PTGIS: variants seen among roughly 807,000 people sequenced by gnomAD.
PTGIS encodes prostaglandin I2 synthase, also known as prostacyclin synthase.
In PTGIS, 45 loss-of-function variants were observed where a neutral mutation model predicts 50.3. The observed-to-expected ratio is 0.90, with a 90% CI of 0.70 to 1.15. The LOEUF (loss-of-function observed/expected upper bound fraction) is 1.15. Ranked by LOEUF, PTGIS falls within the 50% of genes most tolerant of loss-of-function variation. The pLI, the probability that PTGIS is intolerant of heterozygous loss-of-function variation, is 0.00. For missense variants in PTGIS, 668 were observed against 661.3 expected, an observed-to-expected ratio of 1.01 and a Z score of -0.11; for synonymous variants, 260 against 267.7, an observed-to-expected ratio of 0.97 and a Z score of 0.28.
intron 6 of PTGIS, among the ~76,000 whole-genome samples, chr20:49,522,543 G>T (rs533988194): frequency 3.9e-5 from 6 of 151,972 alleles, no homozygotes; most frequent in Non-Finnish European, 8.8e-5. Flanking sequence ...GCCCAGGCTG[G>T]TCTCAAACTC....
At position 49,568,120 on chromosome 20, in the gene PTGIS, G is replaced by GGGGCTGGCGGGGCTGGCA; in HGVS notation, c.-5_-4insTGCCAGCCCCGCCAGCCC. The GGGGCTGGCGGGGCTGGCA allele has an allele frequency of 9.5e-7, 1 of 1,052,760 alleles. No individual in the cohort carries two copies. Among genetic ancestry groups the GGGGCTGGCGGGGCTGGCA allele is most frequent in the Non-Finnish European group, 1.3e-6 (1 of 799,792 alleles). The allele number at this position is 1,052,760 out of a possible 1,614,324, so 65.2% of individuals were successfully genotyped here. ...CGAGGAGCGCGGCCCAAGCCATCGC[G>GGGGCTGGCGGGGCTGGCA]GGGCTGGCGGGGCTGGCGGGGCTGG... On this transcript the variant is annotated 5_prime_UTR_variant, in exon 1 of 10. Transcript: ENST00000244043.
At chr20:49,517,782 C>T (rs1981527080) in intron 6 of PTGIS, among the ~76,000 whole-genome samples, 1 of 152,212 alleles carries the variant, frequency 6.6e-6, no homozygotes, top group East Asian at 1.9e-4. Context: ...CCGCTGCCCG[C>T]TCCTGCCTGC....
chr20:49,549,963 T>TG lies in PTGIS; in HGVS notation c.198+102dup, dbSNP rs950896230. ...CTCAGATGGATGTTGGATGGTGGGG[T>TG]GGGGGGGTTGGCATAGGGACATATG... On this transcript the variant is annotated intron_variant, in intron 2 of 9. Coordinates refer to ENST00000244043, the MANE Select transcript of PTGIS (RefSeq NM_000961.4). The TG allele has an allele frequency of 3.2e-5, 51 of 1,573,464 alleles. No individual in the cohort carries two copies. In the African/African-American group the frequency reaches 4.1e-4, roughly 13 times the overall value.
At position 49,540,665 on chromosome 20, in the gene PTGIS, G is replaced by T. The variant is rs6019888; in HGVS notation, c.522-944C>A. Among the ~76,000 whole-genome samples, 14,770 of 151,866 alleles carry T rather than the reference G, an allele frequency of 0.097. 2,231 individuals carry two copies. Among genetic ancestry groups the T allele is most frequent in the African/African-American group, 0.33 (13,472 of 41,256 alleles). On this transcript the variant is annotated intron_variant, in intron 4 of 9. Transcript: ENST00000244043. This position sits in a 1 kb window ranked among gnomAD's most constrained non-coding sequence, Gnocchi z 4.8. ...TGTGCTCTCACTGAGGCACACTTAC[G>T]CACACGCACACGCACACACACAGGA...
At chr20:49,548,129 C>A in intron 2 of PTGIS, 110 bp from the exon 3 acceptor site, 1 of 1,009,326 alleles carries the variant, frequency 9.9e-7, no homozygotes, top group Non-Finnish European at 1.5e-6. Flanking sequence ...GACAGTAACA[C>A]ACTATGTTCT....
intron 6 of PTGIS, among the ~76,000 whole-genome samples, chr20:49,519,440 T>A (rs540990847): frequency 6.6e-6 from 1 of 152,100 alleles, no homozygotes; most frequent in African/African-American, 2.4e-5. Context: ...TTTTTCAGCC[T>A]CTCTGCAGCA....
chr20:49,567,956 G>A (rs1982947024), intron 1 of PTGIS, 87 bp downstream of exon 1: 17 of 1,280,416 alleles, frequency 1.3e-5, no homozygotes, highest in Non-Finnish European at 1.7e-5. Context: ...GGGCCGGGCC[G>A]GCCGCGGGCT....
chr20:49,523,340 A>C (rs1321029232), intron 6 of PTGIS, among the ~76,000 whole-genome samples: 7 of 152,150 alleles, frequency 4.6e-5, no homozygotes, highest in Non-Finnish European at 2.9e-5. Flanking sequence ...AAAAGAGAGC[A>C]TAAGAGAGAG....
At chr20:49,567,811 T>C (rs141676524) in intron 1 of PTGIS, among the ~76,000 whole-genome samples, 2,089 of 152,232 alleles carry the variant, frequency 0.014, 55 homozygotes, top group African/African-American at 0.045. Context: ...CCGGGGGACC[T>C]ACCGGACCCC....
At chr20:49,530,592 T>C (rs532614467) in intron 5 of PTGIS, among the ~76,000 whole-genome samples, 1 of 152,358 alleles carries the variant, frequency 6.6e-6, no homozygotes, top group African/African-American at 2.4e-5. Flanking sequence ...ATATTTGTCA[T>C]CTTTTGACAT....
intron 6 of PTGIS, among the ~76,000 whole-genome samples, chr20:49,521,761 C>T (rs994289900): frequency 6.6e-6 from 1 of 152,066 alleles, no homozygotes; most frequent in East Asian, 1.9e-4. Flanking sequence ...CAACTGTCAC[C>T]GTCGAAGTGG....
intron 1 of PTGIS, 104 bp from the exon 2 acceptor site, chr20:49,550,293 C>G: frequency 6.9e-7 from 1 of 1,447,258 alleles, no homozygotes; most frequent in Non-Finnish European, 9.6e-7. Flanking sequence ...GGGAGGTAAT[C>G]TGAATGGAGC....
At chr20:49,537,741 C>T (rs931172206) in intron 5 of PTGIS, among the ~76,000 whole-genome samples, 4 of 151,818 alleles carry the variant, frequency 2.6e-5, no homozygotes, top group Admixed American at 6.6e-5. Flanking sequence ...GGCAACAGGG[C>T]AAGACTCTGT....
chr20:49,520,127 G>A (rs1981610349), intron 6 of PTGIS, among the ~76,000 whole-genome samples: 1 of 152,162 alleles, frequency 6.6e-6, no homozygotes, highest in Non-Finnish European at 1.5e-5. Flanking sequence ...GTGTGGTCCG[G>A]CAGCTCTGCC....
At chr20:49,560,267 A>G (rs1465311248) in intron 1 of PTGIS, among the ~76,000 whole-genome samples, 1 of 151,704 alleles carries the variant, frequency 6.6e-6, no homozygotes, top group Non-Finnish European at 1.5e-5. Context: ...TGGCATGATC[A>G]TAGTTGACTA....
intron 5 of PTGIS, among the ~76,000 whole-genome samples, chr20:49,537,527 G>A (rs1379898495): frequency 2.0e-5 from 3 of 152,216 alleles, no homozygotes; most frequent in East Asian, 1.9e-4. Flanking sequence ...GGCCGAGGCA[G>A]GCAGATCTCC....
intron 5 of PTGIS, among the ~76,000 whole-genome samples, chr20:49,531,960 C>T (rs1981946181): frequency 6.6e-6 from 1 of 152,116 alleles, no homozygotes; most frequent in African/African-American, 2.4e-5. Context: ...TGCATAAAGG[C>T]CAAGTGTTGT....
rs1471525960 is a variant in PTGIS, at chr20:49,536,470, C to CT, written c.673+3099dup. 8.1e-3 allele frequency among the ~76,000 whole-genome samples: 1,093 copies of CT among 134,542 alleles called. 18 individuals carry two copies. Among genetic ancestry groups the CT allele is most frequent in the Non-Finnish European group, 0.013 (813 of 64,090 alleles). The allele number at this position is 134,542 out of a possible 152,430, so 88.3% of individuals were successfully genotyped here. On this transcript the variant is annotated intron_variant, in intron 5 of 9. Transcript: ENST00000244043. ...CTTTTTTTCTTTTCTTTCTTTCTTTCTTTCTTTCTTTTTTTTTTTTTTTTT... is the reference window on the plus strand; with the variant it reads ...CTTTTTTTCTTTTCTTTCTTTCTTTCTTTTCTTTCTTTTTTTTTTTTTTTTT...
intron 1 of PTGIS, among the ~76,000 whole-genome samples, chr20:49,566,442 G>A (rs968548564): frequency 1.3e-5 from 2 of 152,198 alleles, no homozygotes; most frequent in Non-Finnish European, 2.9e-5. Flanking sequence ...AAGCCTGACA[G>A]GAAAAATAAT....
Sources: allele counts gnomAD v4.1 joint callset (sites outside exome capture counted in the v4.1 genomes callset), GRCh38; gene constraint gnomAD v4.1.1; non-coding constraint Gnocchi (gnomAD v3.1); transcripts MANE v1.5; gene names NCBI Gene and HGNC (gene_info 2026-07-23, HGNC 2026-07-21).